Variants in UBR1 observed in about 807,000 individuals in gnomAD.
UBR1 encodes E3 ubiquitin-protein ligase UBR1.
A neutral mutation model predicts 242.1 loss-of-function variants in UBR1; 102 were observed. The ratio of observed to expected loss-of-function variants is 0.42; its 90% confidence interval spans 0.36 to 0.50. UBR1 has a LOEUF of 0.50. UBR1 is among the 20% of genes least tolerant of loss of function. The pLI, the probability that UBR1 is intolerant of heterozygous loss-of-function variation, is 0.01. For synonymous variants in UBR1, 675 were observed against 684.8 expected (o/e 0.99, Z 0.22); for missense variants, 1,772 against 2,101.8 (o/e 0.84, Z 3.07).
At chr15:43,024,695 GTA>G in intron 25 of UBR1, 132 bp downstream of exon 25, 1 of 1,254,970 alleles carries the variant, frequency 8.0e-7, no homozygotes, top group Non-Finnish European at 1.2e-6. Context: ...TGTGCTGTGT[GTA>G]AGCTATTTTT....
intron 44 of UBR1, among the ~76,000 whole-genome samples, chr15:42,956,362 C>G (rs1596074291): frequency 1.3e-5 from 2 of 152,214 alleles, no homozygotes; most frequent in East Asian, 3.8e-4. Context: ...CTCTGTCACC[C>G]AGGCTGGAGT....
chr15:43,020,841 G>A (rs1476863550), intron 27 of UBR1, among the ~76,000 whole-genome samples: 1 of 152,142 alleles, frequency 6.6e-6, no homozygotes, highest in East Asian at 1.9e-4. Context: ...ATGTCATTAA[G>A]GTCTTAGCTC....
intron 41 of UBR1, among the ~76,000 whole-genome samples, chr15:42,964,433 C>T (rs995126537): frequency 2.0e-5 from 3 of 151,990 alleles, no homozygotes; most frequent in African/African-American, 7.3e-5. Context: ...CGCGCTATTG[C>T]ACTCCAGCCT....
At chr15:43,022,435 CAAAA>C (rs76731124) in intron 26 of UBR1, among the ~76,000 whole-genome samples, 1 of 103,540 alleles carries the variant, frequency 9.7e-6, no homozygotes, top group Non-Finnish European at 2.1e-5. Context: ...TATATGCAAC[CAAAA>C]AAAAAAAAAA....
chr15:43,093,052 CTG>C (rs1341343793), intron 1 of UBR1, among the ~76,000 whole-genome samples: 2 of 151,878 alleles, frequency 1.3e-5, no homozygotes, highest in African/African-American at 2.4e-5. Flanking sequence ...AAAAAAATAA[CTG>C]TTTGAAATTA....
intron 14 of UBR1, among the ~76,000 whole-genome samples, chr15:43,045,458 C>T (rs1462987683): frequency 6.6e-6 from 1 of 151,970 alleles, no homozygotes; most frequent in Non-Finnish European, 1.5e-5. Flanking sequence ...CAGAGTAAGA[C>T]CTTGTCTCTA....
At chr15:42,970,204 T>A (rs1479616709) in intron 40 of UBR1, among the ~76,000 whole-genome samples, 1 of 152,104 alleles carries the variant, frequency 6.6e-6, no homozygotes, top group African/African-American at 2.4e-5. Context: ...TCTACAACCA[T>A]GTGATCTTTG....
intron 4 of UBR1, among the ~76,000 whole-genome samples, chr15:43,071,704 G>C (rs2033827246): frequency 1.3e-5 from 2 of 151,974 alleles, no homozygotes; most frequent in Admixed American, 6.6e-5. Context: ...CTAAAATCTG[G>C]GTCTTTTGAC....
intron 29 of UBR1, chr15:43,011,850 C>T (rs549701475): frequency 2.3e-6 from 1 of 433,588 alleles, no homozygotes; most frequent in East Asian, 7.4e-5. Flanking sequence ...TAGAAGCAAC[C>T]TAAATGTCTA....
At position 43,038,325 on chromosome 15, in the gene UBR1, T is replaced by C. The variant is rs2033364865; in HGVS notation, c.1850-93A>G. The C allele has an allele frequency of 2.3e-5, 30 of 1,316,114 alleles. No homozygotes were observed. The Admixed American group carries it at 5.2e-4, about 23-fold the overall frequency. 81.5% of individuals were successfully genotyped at this position (1,316,114 alleles called of 1,614,324 possible). A position where few individuals can be genotyped will look rare whatever the true frequency, so the allele number is the denominator to read the frequency against. On this transcript the variant is annotated intron_variant, in intron 15 of 46. Coordinates refer to ENST00000290650, the MANE Select transcript of UBR1 (RefSeq NM_174916.3). The stretch of plus-strand genomic sequence containing the variant: ...AGTTTAGAAACTTGTGCGATTTGAT[T>C]TGGCTGGGCGCGGTGGCTCATGCCT...
chr15:43,071,906 T>C (rs1323860745), intron 4 of UBR1, among the ~76,000 whole-genome samples: 1 of 152,162 alleles, frequency 6.6e-6, no homozygotes, highest in Admixed American at 6.5e-5. Context: ...TAACAAGTAT[T>C]GGCCAAGATG....
At chr15:42,971,499 A>T (rs949493428) in intron 39 of UBR1, among the ~76,000 whole-genome samples, 4 of 152,250 alleles carry the variant, frequency 2.6e-5, no homozygotes, top group Non-Finnish European at 5.9e-5. Flanking sequence ...AGGTATAGTT[A>T]TAGCACATTT....
intron 7 of UBR1, 70 bp from the exon 8 acceptor site, chr15:43,059,895 CA>C: frequency 1.9e-6 from 3 of 1,589,940 alleles, no homozygotes; most frequent in Non-Finnish European, 2.6e-6. Context: ...ATTTATACTT[CA>C]AATGAAGAAA....
chr15:42,986,399 C>A (rs1386183444), intron 35 of UBR1, among the ~76,000 whole-genome samples: 1 of 152,176 alleles, frequency 6.6e-6, no homozygotes, highest in Non-Finnish European at 1.5e-5. Flanking sequence ...TCAGCTCTAT[C>A]AGCAGTGAAT....
At chr15:43,090,475 G>A (rs561870575) in intron 1 of UBR1, among the ~76,000 whole-genome samples, 1 of 152,002 alleles carries the variant, frequency 6.6e-6, no homozygotes, top group Admixed American at 6.6e-5. Flanking sequence ...ATACCTTCCA[G>A]TATTCCTACT....
intron 40 of UBR1, among the ~76,000 whole-genome samples, chr15:42,969,899 G>A (rs552934614): frequency 5.9e-5 from 9 of 152,286 alleles, no homozygotes; most frequent in East Asian, 3.9e-4. Context: ...AATCAATGTC[G>A]TGAAAATGGT....
At chr15:43,029,281 T>A (rs1231552667) in intron 21 of UBR1, among the ~76,000 whole-genome samples, 1 of 152,212 alleles carries the variant, frequency 6.6e-6, no homozygotes, top group Non-Finnish European at 1.5e-5. Context: ...CCACAGTATC[T>A]GTATATACAA....
intron 30 of UBR1, among the ~76,000 whole-genome samples, chr15:43,004,609 G>A (rs1196977596): frequency 3.9e-5 from 6 of 152,342 alleles, no homozygotes; most frequent in African/African-American, 1.4e-4. Context: ...TCCAGCTCCT[G>A]ACCGCGAGTG....
At chr15:43,045,132 T>C (rs1453317549) in intron 14 of UBR1, among the ~76,000 whole-genome samples, 1 of 151,758 alleles carries the variant, frequency 6.6e-6, no homozygotes, top group Non-Finnish European at 1.5e-5. Context: ...AAGTTGGAAG[T>C]AGAAGGAAAT....
Sources: allele counts gnomAD v4.1 joint callset (sites outside exome capture counted in the v4.1 genomes callset), GRCh38; gene constraint gnomAD v4.1.1; transcripts MANE v1.5; gene names NCBI Gene and HGNC (gene_info 2026-07-23, HGNC 2026-07-21).